Variants in AGRN observed in about 807,000 individuals in gnomAD.
AGRN encodes the protein agrin.
AGRN carries 106 observed loss-of-function variants against 211.0 expected under a neutral mutation model. That is an observed-to-expected ratio of 0.50 (90% CI 0.43 to 0.59). The LOEUF is 0.59. Ranked by LOEUF, AGRN falls within the 20% of genes least tolerant of loss-of-function variation. The probability of loss-of-function intolerance (pLI) is 0.00; values close to 1 mark genes in which losing one functional copy is unlikely to be tolerated. For missense variants in AGRN, 3,040 were observed against 2,982.6 expected (o/e 1.02, Z -0.45); for synonymous variants, 1,525 against 1,332.5 (o/e 1.14, Z -3.15).
chr1:1,022,081 C>G, intron 1 of AGRN, 120 bp from the exon 2 acceptor site: 1 of 1,324,542 alleles, frequency 7.5e-7, no homozygotes. Flanking sequence ...CAGAGGTCTC[C>G]CCACATCTCT....
chr1:1,053,482 G>C, intron 33 of AGRN: 1 of 1,505,806 alleles, frequency 6.6e-7, no homozygotes, highest in South Asian at 1.2e-5. Flanking sequence ...TGGATTCCGG[G>C]GCCCTTCACA....
intron 3 of AGRN, among the ~76,000 whole-genome samples, chr1:1,035,922 G>A (rs1644794195): frequency 6.6e-6 from 1 of 152,126 alleles, no homozygotes; most frequent in Admixed American, 6.5e-5. Flanking sequence ...GGGTGCTCCT[G>A]GTGTTTGGGC....
rs990051732 is a variant in AGRN, at chr1:1,047,702, C to A, written c.3631+15C>A. On this transcript the variant is annotated intron_variant, in intron 21 of 35. Coordinates refer to ENST00000379370, the MANE Select transcript of AGRN (RefSeq NM_198576.4). ...CTTTGACCCCAGTGAGACCTGCACCCTGGACCCTTCCTGGGAGGCAATGGG... is the reference window on the plus strand; with the variant it reads ...CTTTGACCCCAGTGAGACCTGCACCATGGACCCTTCCTGGGAGGCAATGGG... 1.2e-6 allele frequency: 2 copies of A among 1,612,952 alleles called. No homozygotes were observed. The highest frequency in any genetic ancestry group is 1.7e-6 in the Non-Finnish European group (2 of 1,179,982).
chr1:1,052,390 C>T (rs1302054286), intron 33 of AGRN: 1 of 331,444 alleles, frequency 3.0e-6, no homozygotes, highest in Admixed American at 4.4e-5. Context: ...TGCATGGGTC[C>T]ATGTATATGT....
At position 1,048,912 on chromosome 1, in the gene AGRN, C is replaced by T. The variant is rs1280056170; in HGVS notation, c.4151C>T (p.Ala1384Val). The change falls in exon 24 of 36, where the codon GCC becomes GTC. Residue 1384 changes from alanine to valine, a missense_variant. Ala to Val is a moderately conservative substitution (Grantham distance 64). This residue lies in a region of AGRN where 1,537 missense variants were observed against 1,505.0 expected (regional missense o/e 1.02). Transcript: ENST00000379370. The surrounding 1 kb of genome is among the most constrained non-coding windows in gnomAD (Gnocchi z 5.9). ...VPAFEGRSFLAFPTLRAYHTL... is the reference protein window; with the variant it reads ...VPAFEGRSFLVFPTLRAYHTL... The stretch of plus-strand genomic sequence containing the variant: ...GCCTTCGAGGGCCGCTCCTTCCTGG[C>T]CTTCCCCACTCTCCGCGCCTACCAC... The T allele has an allele frequency of 1.3e-6, 2 of 1,555,494 alleles. No homozygotes were observed. The highest frequency in any genetic ancestry group is 1.7e-6 in the Non-Finnish European group (2 of 1,150,606).
chr1:1,043,752 C>T lies in AGRN; in HGVS notation c.1798+20C>T, dbSNP rs1474885808. 5 of 1,602,128 alleles carry T rather than the reference C, an allele frequency of 3.1e-6. No individual in the cohort carries two copies. In the Admixed American group the frequency reaches 5.0e-5, roughly 16 times the overall value. On this transcript the variant is annotated intron_variant, in intron 9 of 35. Coordinates refer to ENST00000379370, the MANE Select transcript of AGRN (RefSeq NM_198576.4). ...CCTGTGGTGAGTGAGGCCCTGGGGC[C>T]GGGCGGGCCAGGGTCCTGTGCCTCC... is the stretch of plus-strand genomic sequence containing the variant.
Position 1,045,807 on chromosome 1 carries a change from G to C in AGRN, c.2611G>C (p.Gly871Arg). The stretch of plus-strand genomic sequence containing the variant: ...GACGGGGCTGTGCTCGTGTAAGCCC[G>C]GGGTGGCTGGACCCAAGTGTGGGCA... ...QMTGLCSCKP[G>R]VAGPKCGQCP... Residue 871 changes from glycine to arginine, a missense_variant, in exon 15 of 36, where the codon GGG becomes CGG. Gly to Arg is a moderately radical substitution (Grantham distance 125). This residue lies in a region of AGRN where 1,498 missense variants were observed against 1,457.8 expected (regional missense o/e 1.03). Transcript: ENST00000379370. 2 of 1,613,014 alleles carry C rather than the reference G, an allele frequency of 1.2e-6. No homozygotes were observed. Among genetic ancestry groups the C allele is most frequent in the South Asian group, 2.2e-5 (2 of 91,082 alleles).
At chr1:1,040,197 C>A (rs1215564081) in intron 3 of AGRN, among the ~76,000 whole-genome samples, 1 of 152,186 alleles carries the variant, frequency 6.6e-6, no homozygotes, top group Non-Finnish European at 1.5e-5. Context: ...GAAGGGGCTC[C>A]CCCGGCTCCA....
At position 1,045,411 on chromosome 1, in the gene AGRN, C is replaced by A; in HGVS notation, c.2424C>A (p.Ala808=). The A allele has an allele frequency of 6.2e-7, 1 of 1,612,060 alleles. No homozygotes were observed. Among genetic ancestry groups the A allele is most frequent in the Non-Finnish European group, 8.5e-7 (1 of 1,179,810 alleles). ...HGSYGGTCDP[A]TGQCSCRPGV... ...CTTACGGCGGCACCTGTGACCCAGC[C>A]ACAGGCCAGTGCTCCTGCCGCCCAG... Residue 808 remains alanine, a synonymous_variant, in exon 14 of 36, where the codon GCC becomes GCA. Transcript: ENST00000379370.
intron 14 of AGRN, 81 bp from the exon 15 acceptor site, chr1:1,045,651 AG>A (rs1304209112): frequency 1.9e-6 from 3 of 1,609,496 alleles, no homozygotes; most frequent in African/African-American, 1.3e-5. Context: ...GGGCAGAGCC[AG>A]GGTTGGGGAC....
chr1:1,040,922 G>T, intron 4 of AGRN, 42 bp downstream of exon 4: 1 of 1,374,698 alleles, frequency 7.3e-7, no homozygotes, highest in South Asian at 1.6e-5. Flanking sequence ...GGAGGGGCGG[G>T]GCCTATGAGA....
chr1:1,025,396 C>CACGGCA (rs1451868413), intron 2 of AGRN, among the ~76,000 whole-genome samples: 2 of 152,192 alleles, frequency 1.3e-5, no homozygotes, highest in African/African-American at 4.8e-5. Flanking sequence ...CCGGGGACAG[C>CACGGCA]ATCGGTGCTG....
Position 1,055,357 on chromosome 1 carries a change from TCCTC to T in AGRN, c.*378_*381del. On this transcript the variant is annotated 3_prime_UTR_variant, in exon 36 of 36. Transcript: ENST00000379370. ...GGCTGCTGAGGTCTGATGGGGCCCTTCCTCCGGGTGACCCCACAGGGCCTTTCCA... is the reference window on the plus strand; with the variant it reads ...GGCTGCTGAGGTCTGATGGGGCCCTTCGGGTGACCCCACAGGGCCTTTCCA... 2.8e-6 allele frequency: 1 copy of T among 361,708 alleles called. No individual in the cohort carries two copies. Among genetic ancestry groups the T allele is most frequent in the Non-Finnish European group, 5.4e-6 (1 of 185,458 alleles). The allele number at this position is 361,708 out of a possible 1,614,324, so 22.4% of individuals were successfully genotyped here.
chr1:1,023,410 G>C (rs1173456131), intron 2 of AGRN, among the ~76,000 whole-genome samples: 2 of 152,308 alleles, frequency 1.3e-5, no homozygotes, highest in East Asian at 3.9e-4. Flanking sequence ...CCCAGCCTGT[G>C]GTCAGTGGTC....
At position 1,046,535 on chromosome 1, in the gene AGRN, C is replaced by A. The variant is rs1224006799; in HGVS notation, c.3050C>A (p.Thr1017Asn). ...APSSTAHSQT[T>N]PPPSSRPRTT... ...AGCAGTACCGCACACAGCCAGACCA[C>A]CCCTCCGCCCTCATCACGACCTCGG... Residue 1017 changes from threonine to asparagine, a missense_variant, in exon 18 of 36, where the codon ACC (threonine) becomes AAC (asparagine). Coordinates refer to ENST00000379370, the MANE Select transcript of AGRN (RefSeq NM_198576.4). The A allele has an allele frequency of 6.2e-7, 1 of 1,610,490 alleles. No homozygotes were observed. Among genetic ancestry groups the A allele is most frequent in the Admixed American group, 1.7e-5 (1 of 59,828 alleles).
chr1:1,026,525 G>A (rs183483964), intron 2 of AGRN, among the ~76,000 whole-genome samples: 2 of 152,154 alleles, frequency 1.3e-5, no homozygotes, highest in African/African-American at 4.8e-5. Context: ...GCAGGAGGGT[G>A]GAAAACAACT....
rs1645267668 is a variant in AGRN, at chr1:1,050,957, G to T, written c.5253+120G>T. On this transcript the variant is annotated intron_variant, in intron 30 of 35. Coordinates refer to ENST00000379370, the MANE Select transcript of AGRN (RefSeq NM_198576.4). The stretch of plus-strand genomic sequence containing the variant: ...TTCTGTCCTGTTCTCTTGGCCGCCT[G>T]CCCTGTCCTCTGCCTCCTCTGCCTC... The T allele has an allele frequency of 4.5e-6, 7 of 1,548,960 alleles. No homozygotes were observed. The East Asian group carries it at 1.5e-4, about 32-fold the overall frequency.
rs1317118940 is a variant in AGRN at position 1,043,810 on chromosome 1, C to T, written c.1799-13C>T. 2.5e-6 allele frequency: 4 copies of T among 1,610,126 alleles called. No homozygotes were observed. The South Asian group carries it at 4.4e-5, about 18-fold the overall frequency. On this transcript the variant is annotated splice_polypyrimidine_tract_variant and intron_variant, in intron 9 of 35. Coordinates refer to ENST00000379370, the MANE Select transcript of AGRN (RefSeq NM_198576.4). ...TGGGCCTGCCGACCCCTGCCTGGCT[C>T]TGTCTCCTGCAGAGACCTGTGGAGA...
At chr1:1,020,881 G>T (rs1644386789) in intron 1 of AGRN, among the ~76,000 whole-genome samples, 1 of 151,576 alleles carries the variant, frequency 6.6e-6, no homozygotes, top group Non-Finnish European at 1.5e-5. Context: ...AGAGGTGGGC[G>T]GGGCCGTCAC....
Sources: allele counts gnomAD v4.1 joint callset (sites outside exome capture counted in the v4.1 genomes callset), GRCh38; gene constraint gnomAD v4.1.1; regional missense constraint gnomAD v4.1.1; non-coding constraint Gnocchi (gnomAD v3.1); transcripts MANE v1.5; gene names NCBI Gene and HGNC (gene_info 2026-07-23, HGNC 2026-07-21).